The following DYM variants were observed in gnomAD, a reference collection of about 807,000 sequenced individuals.
DYM encodes the protein dymeclin.
Under a neutral mutation model 93.1 loss-of-function variants are expected in DYM, and 78 were observed. The observed-to-expected ratio is 0.84, with a 90% CI of 0.70 to 1.01. The LOEUF (loss-of-function observed/expected upper bound fraction) is 1.01, where lower values mean the gene tolerates loss of function less well. Among genes scored for constraint, DYM ranks in the 50% least tolerant of loss-of-function variants. The pLI is 0.00. For missense variants in DYM, 789 were observed against 845.0 expected (o/e 0.93, Z 0.82); for synonymous variants, 321 against 319.7 (o/e 1.00, Z -0.04).
intron 17 of DYM, among the ~76,000 whole-genome samples, chr18:49,089,111 T>G (rs1321008522): frequency 6.6e-6 from 1 of 152,204 alleles, no homozygotes; most frequent in African/African-American, 2.4e-5. Flanking sequence ...AAGAACTCCT[T>G]AGCCTCAGTT....
chr18:49,160,755 T>C (rs2087008634), intron 15 of DYM, among the ~76,000 whole-genome samples: 1 of 152,218 alleles, frequency 6.6e-6, no homozygotes, highest in South Asian at 2.1e-4. Context: ...GGAAGGAACA[T>C]GTTCATTTTC....
chr18:49,210,988 T>C (rs566633639), intron 13 of DYM, among the ~76,000 whole-genome samples: 2 of 152,332 alleles, frequency 1.3e-5, no homozygotes, highest in African/African-American at 4.8e-5. Context: ...ATTAGGAATA[T>C]GTTCCTGGCA....
rs779131108 is a variant in DYM at position 49,271,478 on chromosome 18, T to C, written c.1251+700A>G. On this transcript the variant is annotated intron_variant, in intron 11 of 17. Coordinates refer to ENST00000675505, the MANE Select transcript of DYM (RefSeq NM_001353214.3). ...ACTATCTTCCATCTTAGGGCGATAA[T>C]AGTTAATGTCTGCAACTGAAAAATC... 8.5e-5 allele frequency among the ~76,000 whole-genome samples: 13 copies of C among 152,096 alleles called. No individual in the cohort carries two copies. In the East Asian group the frequency reaches 2.1e-3, roughly 25 times the overall value.
At chr18:49,189,816 T>G (rs1268164849) in intron 14 of DYM, among the ~76,000 whole-genome samples, 1 of 152,224 alleles carries the variant, frequency 6.6e-6, no homozygotes, top group African/African-American at 2.4e-5. Context: ...TAAACAACCA[T>G]GATAACAGGA....
intron 3 of DYM, chr18:49,391,320 A>C (rs1599863861): frequency 2.6e-6 from 1 of 390,816 alleles, no homozygotes; most frequent in East Asian, 4.7e-5. Context: ...CATTATTTTC[A>C]GTATTTCAAA....
At chr18:49,394,426 A>C (rs1053896506) in intron 2 of DYM, among the ~76,000 whole-genome samples, 6 of 152,142 alleles carry the variant, frequency 3.9e-5, no homozygotes, top group African/African-American at 7.2e-5. Flanking sequence ...TGTTTTGGTT[A>C]CTATTGCTTT....
intron 7 of DYM, 146 bp from the exon 8 acceptor site, chr18:49,332,152 A>G: frequency 1.2e-6 from 1 of 826,508 alleles, no homozygotes; most frequent in South Asian, 1.6e-5. Flanking sequence ...AGCACTGCAC[A>G]CAACAGTGAA....
rs139857305 is a variant in DYM, at chr18:49,116,657, T to G, written c.1911+2087A>C. ...TGAGATGACAGCAGGGATGGCATTC[T>G]CCCATGAGATACCCCTCAGCCCCCA... is the stretch of plus-strand genomic sequence containing the variant. On this transcript the variant is annotated intron_variant, in intron 16 of 17. Coordinates refer to ENST00000675505, the MANE Select transcript of DYM (RefSeq NM_001353214.3). 1.3e-4 allele frequency among the ~76,000 whole-genome samples: 20 copies of G among 152,306 alleles called. No individual in the cohort carries two copies. In the East Asian group the frequency reaches 3.7e-3, roughly 28 times the overall value.
chr18:49,267,013 G>A (rs953142750), intron 11 of DYM, among the ~76,000 whole-genome samples: 11 of 151,782 alleles, frequency 7.2e-5, no homozygotes, highest in African/African-American at 2.7e-4. Flanking sequence ...ATAATAAAGA[G>A]CACAAATAAT....
chr18:49,161,402 C>A (rs936242936), intron 15 of DYM, among the ~76,000 whole-genome samples: 1 of 152,164 alleles, frequency 6.6e-6, no homozygotes, highest in African/African-American at 2.4e-5. Flanking sequence ...ATCAGAACTT[C>A]AGAACTATAC....
chr18:49,107,194 G>A (rs931613831), intron 16 of DYM, among the ~76,000 whole-genome samples: 7 of 151,974 alleles, frequency 4.6e-5, no homozygotes, highest in African/African-American at 1.5e-4. Context: ...CCAGTTGATC[G>A]AAGTGGCTAC....
chr18:49,191,534 G>A (rs1357991453), intron 14 of DYM, among the ~76,000 whole-genome samples: 1 of 151,966 alleles, frequency 6.6e-6, no homozygotes, highest in African/African-American at 2.4e-5. Flanking sequence ...TGGAAAACAA[G>A]GACATTATTA....
chr18:49,410,605 T>C (rs189870660), intron 2 of DYM, among the ~76,000 whole-genome samples: 142 of 151,460 alleles, frequency 9.4e-4, no homozygotes, highest in African/African-American at 3.3e-3. Context: ...TTGTCTAAAA[T>C]TGAGTTGAAG....
chr18:49,435,963 G>A (rs916877286), intron 1 of DYM, among the ~76,000 whole-genome samples: 1 of 151,898 alleles, frequency 6.6e-6, no homozygotes, highest in African/African-American at 2.4e-5. Context: ...CTAGTTACTC[G>A]GTGTCCTATT....
At chr18:49,423,739 C>G (rs1260471794) in intron 2 of DYM, among the ~76,000 whole-genome samples, 5 of 152,156 alleles carry the variant, frequency 3.3e-5, no homozygotes, top group Admixed American at 6.5e-5. Context: ...CACAGAAATA[C>G]AAACTACCAT....
intron 15 of DYM, among the ~76,000 whole-genome samples, chr18:49,149,702 GTT>G (rs35259913): frequency 6.5e-5 from 5 of 76,850 alleles, no homozygotes; most frequent in Admixed American, 1.8e-4. Context: ...ATTACAAAGT[GTT>G]TTTTTTTTTT....
intron 8 of DYM, among the ~76,000 whole-genome samples, chr18:49,327,292 G>C (rs2062967944): frequency 6.6e-6 from 1 of 152,028 alleles, no homozygotes; most frequent in Non-Finnish European, 1.5e-5. Flanking sequence ...TTCTTGAGCA[G>C]GGGTTGTGGG....
chr18:49,392,034 G>C (rs1015814840), intron 2 of DYM, among the ~76,000 whole-genome samples: 2 of 152,078 alleles, frequency 1.3e-5, no homozygotes, highest in Admixed American at 6.5e-5. Flanking sequence ...GAAATACATG[G>C]AGTGTCATGA....
intron 16 of DYM, among the ~76,000 whole-genome samples, 186 bp from the exon 17 acceptor site, chr18:49,097,701 C>A (rs1006145968): frequency 1.3e-5 from 2 of 152,136 alleles, no homozygotes; most frequent in Non-Finnish European, 2.9e-5. Context: ...AGAGGCAACC[C>A]CTCAATATCC....
Sources: allele counts gnomAD v4.1 joint callset (sites outside exome capture counted in the v4.1 genomes callset), GRCh38; gene constraint gnomAD v4.1.1; transcripts MANE v1.5; gene names NCBI Gene and HGNC (gene_info 2026-07-23, HGNC 2026-07-21).